Variants in EBF1 observed in about 807,000 individuals in gnomAD.
EBF1 encodes the protein transcription factor COE1.
EBF1 carries 10 observed loss-of-function variants against 68.4 expected under a neutral mutation model. The ratio of observed to expected loss-of-function variants is 0.15; its 90% CI spans 0.09 to 0.25. The LOEUF (loss-of-function observed/expected upper bound fraction) is 0.25. EBF1 is among the 10% of genes least tolerant of loss of function. The probability of loss-of-function intolerance (pLI) is 1.00; values close to 1 mark genes in which losing one functional copy is unlikely to be tolerated. For synonymous variants in EBF1, 298 were observed against 299.8 expected, an observed-to-expected ratio of 0.99 and a Z score of 0.06; for missense variants, 509 against 794.4, an observed-to-expected ratio of 0.64 and a Z score of 4.32.
chr5:158,702,977 C>G (rs947021348), intron 15 of EBF1, among the ~76,000 whole-genome samples: 4 of 152,092 alleles, frequency 2.6e-5, no homozygotes, highest in African/African-American at 4.8e-5. Context: ...TGTGAAATTA[C>G]TCTGGCCTTT....
intron 10 of EBF1, among the ~76,000 whole-genome samples, chr5:158,761,766 G>A (rs1345688964): frequency 8.5e-5 from 13 of 152,248 alleles, no homozygotes; most frequent in Non-Finnish European, 1.5e-4. Flanking sequence ...ACAAACAGTG[G>A]TTCTAATAAA....
intron 10 of EBF1, among the ~76,000 whole-genome samples, chr5:158,739,181 C>T (rs750425010): frequency 5.9e-5 from 9 of 152,192 alleles, no homozygotes; most frequent in African/African-American, 1.2e-4. Context: ...ATACTACAAC[C>T]GGTTGGCATT....
At position 158,823,199 on chromosome 5, in the gene EBF1, C is replaced by A. The variant is rs1217001703; in HGVS notation, c.755G>T (p.Gly252Val). The A allele has an allele frequency of 6.2e-7, 1 of 1,613,866 alleles. No homozygotes were observed. Among genetic ancestry groups the A allele is most frequent in the African/African-American group, 1.3e-5 (1 of 74,906 alleles). Residue 252 changes from glycine to valine, a missense_variant, in exon 8 of 16, where the codon GGT (glycine) becomes GTT (valine). Gly to Val is a moderately radical substitution (Grantham distance 109). Around this residue, in one of 3 missense-constraint regions of EBF1, gnomAD observed 230 missense variants for 467.7 expected, o/e 0.49. Coordinates refer to ENST00000313708, the MANE Select transcript of EBF1 (RefSeq NM_024007.5). ...RRARRLDPSE[G>V]TPSYLEHATP... ...ACCATGTTCCAGATAAGAGGGCGTA[C>A]CTTCCGAGGGGTCAAGCCTCCGAGC...
At chr5:159,036,531 C>T (rs1383414683) in intron 6 of EBF1, among the ~76,000 whole-genome samples, 1 of 132,268 alleles carries the variant, frequency 7.6e-6, no homozygotes, top group Non-Finnish European at 1.6e-5. Context: ...CTTTGACAAA[C>T]CTGAGAAAAA....
At chr5:158,990,438 A>G (rs373006281) in intron 6 of EBF1, among the ~76,000 whole-genome samples, 25 of 152,074 alleles carry the variant, frequency 1.6e-4, no homozygotes, top group Middle Eastern at 3.4e-3. Flanking sequence ...CAGAAAGTCA[A>G]GTTAGAAGGC....
intron 5 of EBF1, among the ~76,000 whole-genome samples, chr5:159,074,279 T>G (rs1266618031): frequency 1.3e-5 from 2 of 152,232 alleles, no homozygotes; most frequent in East Asian, 3.8e-4. Context: ...TTTTAAAAAC[T>G]GAGATGCCTT....
intron 15 of EBF1, among the ~76,000 whole-genome samples, chr5:158,704,983 A>G (rs927930605): frequency 6.6e-6 from 1 of 152,208 alleles, no homozygotes; most frequent in Non-Finnish European, 1.5e-5. Flanking sequence ...GAGCAAACCA[A>G]AAACCATTTT....
At chr5:159,000,276 A>C (rs1762276516) in intron 6 of EBF1, among the ~76,000 whole-genome samples, 1 of 152,200 alleles carries the variant, frequency 6.6e-6, no homozygotes, top group East Asian at 1.9e-4. Context: ...TTAAATATTA[A>C]ATTTTATTAA....
chr5:158,956,791 C>T (rs866940107), intron 6 of EBF1, among the ~76,000 whole-genome samples: 2 of 143,108 alleles, frequency 1.4e-5, no homozygotes, highest in Non-Finnish European at 3.0e-5. Context: ...TGGAGTCTCG[C>T]TCTGTCGCCC....
chr5:158,815,441 A>G (rs189351752), intron 8 of EBF1, among the ~76,000 whole-genome samples: 1 of 152,276 alleles, frequency 6.6e-6, no homozygotes, highest in Admixed American at 6.5e-5. Flanking sequence ...ATTTGTTGGA[A>G]GACTTGATGA....
intron 6 of EBF1, among the ~76,000 whole-genome samples, chr5:158,904,542 AT>A (rs1487620003): frequency 6.6e-6 from 1 of 152,200 alleles, no homozygotes; most frequent in Non-Finnish European, 1.5e-5. Flanking sequence ...GATATCCCAC[AT>A]TTTGTGAAAA....
rs1755971297 is a variant in EBF1 at position 158,697,696 on chromosome 5, G to GA, written c.*1414dup. 2.0e-5 allele frequency: 4 copies of GA among 203,746 alleles called. No homozygotes were observed. Among genetic ancestry groups the GA allele is most frequent in the South Asian group, 1.9e-4 (1 of 5,240 alleles). 12.6% of individuals were successfully genotyped at this position (203,746 alleles called of 1,614,324 possible). On this transcript the variant is annotated 3_prime_UTR_variant, in exon 16 of 16. Transcript: ENST00000313708. ...CGCAGTAAAATCTTTTTGTGATATT[G>GA]AAAAAATGTCTTAAGACATTAAAAT...
intron 6 of EBF1, among the ~76,000 whole-genome samples, chr5:158,967,062 T>A (rs189018966): frequency 1.3e-5 from 2 of 150,024 alleles, no homozygotes; most frequent in East Asian, 3.9e-4. Flanking sequence ...TCTACACAGA[T>A]AAAAAAACCT....
At chr5:158,976,162 A>G (rs1315152732) in intron 6 of EBF1, among the ~76,000 whole-genome samples, 1 of 152,154 alleles carries the variant, frequency 6.6e-6, no homozygotes, top group Non-Finnish European at 1.5e-5. Flanking sequence ...ATACATAGCA[A>G]AGTAGTGATT....
intron 6 of EBF1, among the ~76,000 whole-genome samples, chr5:158,917,538 C>T (rs528576549): frequency 1.3e-5 from 2 of 152,296 alleles, no homozygotes; most frequent in African/African-American, 4.8e-5. Flanking sequence ...TTTAGGTATA[C>T]ACACTTGTTA....
intron 6 of EBF1, among the ~76,000 whole-genome samples, chr5:158,958,846 T>C (rs1039546699): frequency 1.3e-5 from 2 of 152,096 alleles, no homozygotes; most frequent in African/African-American, 4.8e-5. Context: ...CCATGTGCCG[T>C]GCATATTTTA....
Position 158,796,447 on chromosome 5 carries a change from C to G in EBF1, c.807G>C (p.Pro269=). ...CACCTCCCGTCGTCCATCCTTCACT[C>G]GGGCTGATGGCTTTGATACAGGGAG... The part of the protein sequence containing the change: ...HATPCIKAIS[P]SEGWTTGGAT... The change falls in exon 9 of 16, where the codon CCG becomes CCC. Residue 269 remains proline (P), a synonymous_variant. Coordinates refer to ENST00000313708, the MANE Select transcript of EBF1 (RefSeq NM_024007.5). 6.2e-7 allele frequency: 1 copy of G among 1,613,286 alleles called. No individual in the cohort carries two copies.
rs564805323 is a variant in EBF1, at chr5:158,899,951, C to A, written c.555-59841G>T. Among the ~76,000 whole-genome samples, 13 of 152,272 alleles carry A rather than the reference C, an allele frequency of 8.5e-5. No homozygotes were observed. The East Asian group carries it at 2.1e-3, about 25-fold the overall frequency. ...TGCTCATCGCCCTCCCACTCTGTGG[C>A]CCTCTTTTGGATGGCATCATCGAAC... On this transcript the variant is annotated intron_variant, in intron 6 of 15. Coordinates refer to ENST00000313708, the MANE Select transcript of EBF1 (RefSeq NM_024007.5).
intron 6 of EBF1, among the ~76,000 whole-genome samples, chr5:158,957,183 C>A (rs1817308452): frequency 1.3e-5 from 2 of 152,204 alleles, no homozygotes; most frequent in Admixed American, 1.3e-4. Context: ...CCCCATTTTA[C>A]AGATGAGAAA....
Sources: gnomAD v4.1 joint callset for allele counts (sites outside exome capture counted in the v4.1 genomes callset) on GRCh38, gnomAD v4.1.1 for gene constraint, gnomAD v4.1.1 regional missense constraint, MANE v1.5 for transcripts, NCBI Gene and HGNC (gene_info 2026-07-23, HGNC 2026-07-21) for gene names.